SLC26A7: variants seen among roughly 807,000 people sequenced by gnomAD.
SLC26A7 encodes anion exchange transporter.
In SLC26A7, 59 loss-of-function variants were observed where a neutral mutation model predicts 82.5. The ratio of observed to expected loss-of-function variants is 0.72; its 90% CI spans 0.58 to 0.89. The LOEUF is 0.89. SLC26A7 is among the 40% of genes least tolerant of loss of function. The pLI, the probability that SLC26A7 is intolerant of heterozygous loss-of-function variation, is 0.00. For missense variants in SLC26A7, 820 were observed against 793.0 expected, an observed-to-expected ratio of 1.03 and a Z score of -0.41; for synonymous variants, 271 against 274.3, an observed-to-expected ratio of 0.99 and a Z score of 0.12.
intron 2 of SLC26A7, among the ~76,000 whole-genome samples, chr8:91,288,439 T>TA (rs1418613597): frequency 3.3e-5 from 5 of 152,232 alleles, no homozygotes; most frequent in African/African-American, 1.2e-4. Flanking sequence ...CATGTGCATG[T>TA]ATCATACCAA....
chr8:91,247,327 A>T (rs1019566183), upstream of SLC26A7, among the ~76,000 whole-genome samples: 3 of 152,200 alleles, frequency 2.0e-5, no homozygotes, highest in African/African-American at 7.2e-5. Context: ...TAGTCATTGA[A>T]ACTTTTGAAT....
intron 2 of SLC26A7, among the ~76,000 whole-genome samples, chr8:91,241,288 T>C (rs1008712773): frequency 3.3e-5 from 5 of 151,548 alleles, no homozygotes; most frequent in Admixed American, 1.3e-4. Context: ...ACATGTATAG[T>C]AATGCCTCAA....
intron 2 of SLC26A7, among the ~76,000 whole-genome samples, 165 bp from the exon 3 acceptor site, chr8:91,288,971 C>T (rs555161956): frequency 7.9e-5 from 12 of 152,076 alleles, no homozygotes; most frequent in Admixed American, 3.3e-4. Flanking sequence ...TGAACTAAAG[C>T]GTGAATTTTC....
chr8:91,215,864 T>C (rs2130654462), intron 1 of SLC26A7, among the ~76,000 whole-genome samples: 1 of 152,296 alleles, frequency 6.6e-6, no homozygotes, highest in East Asian at 1.9e-4. Context: ...CATGCTCATT[T>C]CAAATGGACA....
At position 91,306,592 on chromosome 8, in the gene SLC26A7, A is replaced by T. The variant is rs149675782; in HGVS notation, c.477+10889A>T. Reference sequence around the variant, plus strand: ...AAAATAGTACCCAGAGTTGACATATAACCCACACAGTTTCCCCTGTTACTA... The same window carrying T: ...AAAATAGTACCCAGAGTTGACATATTACCCACACAGTTTCCCCTGTTACTA... On this transcript the variant is annotated intron_variant, in intron 4 of 18. Transcript: ENST00000276609. Among the ~76,000 whole-genome samples the T allele has an allele frequency of 2.4e-3, 371 of 152,296 alleles. 4 individuals are homozygous for T. The highest frequency in any genetic ancestry group is 8.5e-3 in the African/African-American group (352 of 41,566).
At chr8:91,326,907 C>T (rs1005322846) in intron 5 of SLC26A7, among the ~76,000 whole-genome samples, 1 of 152,144 alleles carries the variant, frequency 6.6e-6, no homozygotes, top group Non-Finnish European at 1.5e-5. Flanking sequence ...CCAACTTCTG[C>T]CTCTGTCTTC....
chr8:91,267,598 TTG>T (rs1348142822), intron 2 of SLC26A7, among the ~76,000 whole-genome samples: 3 of 151,914 alleles, frequency 2.0e-5, no homozygotes, highest in Admixed American at 2.0e-4. Context: ...GTGGTATCAA[TTG>T]TAATATCTCC....
chr8:91,388,154 G>A (rs1424577230), intron 15 of SLC26A7, among the ~76,000 whole-genome samples: 1 of 151,888 alleles, frequency 6.6e-6, no homozygotes, highest in African/African-American at 2.4e-5. Flanking sequence ...TTTTAGAGAC[G>A]GAGTCTTGCT....
At chr8:91,393,732 C>G in intron 16 of SLC26A7, 65 bp from the exon 17 acceptor site, 1 of 1,537,466 alleles carries the variant, frequency 6.5e-7, no homozygotes, top group East Asian at 2.2e-5. Flanking sequence ...CTTCTGAAGC[C>G]CATCTTATTT....
intron 5 of SLC26A7, among the ~76,000 whole-genome samples, chr8:91,322,469 G>T (rs548646426): frequency 6.6e-6 from 1 of 152,226 alleles, no homozygotes; most frequent in East Asian, 1.9e-4. Flanking sequence ...TGACCAGTAA[G>T]TTGGTTCCTC....
chr8:91,386,402 G>T (rs1814800169), intron 15 of SLC26A7, among the ~76,000 whole-genome samples: 1 of 152,012 alleles, frequency 6.6e-6, no homozygotes, highest in South Asian at 2.1e-4. Flanking sequence ...ACAAATTTTA[G>T]ATTGCAGATT....
chr8:91,223,559 G>A lies in SLC26A7; in HGVS notation c.-34+4554G>A, dbSNP rs1028015583. Among the ~76,000 whole-genome samples, 23 of 152,094 alleles carry A rather than the reference G, an allele frequency of 1.5e-4. No homozygotes were observed. The East Asian group carries it at 3.1e-3, about 20-fold the overall frequency. ...TCATTCTCATTGGTTTCAAAGAACT[G>A]AAGGGCTTCCCTTTGTAAGGTGCCC... is the stretch of plus-strand genomic sequence containing the variant. On this transcript the variant is annotated intron_variant, in intron 2 of 5. Coordinates refer to the SLC26A7 transcript ENST00000522862.
At chr8:91,319,383 A>C (rs1812728782) in intron 5 of SLC26A7, among the ~76,000 whole-genome samples, 1 of 152,216 alleles carries the variant, frequency 6.6e-6, no homozygotes, top group Non-Finnish European at 1.5e-5. Context: ...CTATTTTTTA[A>C]GTGACCATTT....
In SLC26A7 at chr8:91,343,970, G is replaced by A. The variant is rs116713053; in HGVS notation, c.1140+504G>A. ...CTCAAATCAATTTGACATCTATTGAGGGCCTGTGATATACCAGGCATTCTG... is the reference window on the plus strand; with the variant it reads ...CTCAAATCAATTTGACATCTATTGAAGGCCTGTGATATACCAGGCATTCTG... On this transcript the variant is annotated intron_variant, in intron 9 of 18. Coordinates refer to ENST00000276609, the MANE Select transcript of SLC26A7 (RefSeq NM_052832.4). 3.4e-4 allele frequency: 272 copies of A among 803,710 alleles called. No individual in the cohort carries two copies. In the African/African-American group the frequency reaches 4.9e-3, roughly 15 times the overall value. 49.8% of individuals were successfully genotyped at this position (803,710 alleles called of 1,614,324 possible).
intron 11 of SLC26A7, among the ~76,000 whole-genome samples, chr8:91,355,237 G>C (rs963832584): frequency 6.6e-6 from 1 of 152,102 alleles, no homozygotes; most frequent in Non-Finnish European, 1.5e-5. Context: ...CTGAAGTTTG[G>C]TACTATTATC....
At chr8:91,283,839 A>G (rs1357945363) in intron 2 of SLC26A7, among the ~76,000 whole-genome samples, 3 of 152,176 alleles carry the variant, frequency 2.0e-5, no homozygotes, top group African/African-American at 7.2e-5. Flanking sequence ...GTTGGATAAT[A>G]CTATGAATTA....
intron 2 of SLC26A7, among the ~76,000 whole-genome samples, chr8:91,255,132 G>A (rs1406322936): frequency 6.6e-6 from 1 of 152,088 alleles, no homozygotes; most frequent in Non-Finnish European, 1.5e-5. Flanking sequence ...AATGCACTGG[G>A]GTGGAATATG....
chr8:91,347,296 A>G (rs1429599577), intron 9 of SLC26A7, among the ~76,000 whole-genome samples: 3 of 152,224 alleles, frequency 2.0e-5, no homozygotes, highest in African/African-American at 7.2e-5. Flanking sequence ...AGGATCATGC[A>G]CTTCAGAGAA....
intron 2 of SLC26A7, among the ~76,000 whole-genome samples, chr8:91,271,862 G>A (rs1016076087): frequency 3.3e-5 from 5 of 152,100 alleles, no homozygotes; most frequent in Non-Finnish European, 7.4e-5. Flanking sequence ...TCAAAGTGTT[G>A]GGATTACAGG....
Sources: allele counts gnomAD v4.1 joint callset (sites outside exome capture counted in the v4.1 genomes callset), GRCh38; gene constraint gnomAD v4.1.1; transcripts MANE v1.5; gene names NCBI Gene and HGNC (gene_info 2026-07-23, HGNC 2026-07-21).